Variants in USP16 observed in about 807,000 individuals in gnomAD.
The protein encoded by USP16 is ubiquitin specific peptidase 16.
In USP16, 77 loss-of-function variants were observed where a neutral mutation model predicts 95.9. That is an observed-to-expected ratio of 0.80 (90% CI 0.67 to 0.97). USP16 has a LOEUF of 0.97. USP16 is among the 50% of genes least tolerant of loss of function. The pLI is 0.00. For synonymous variants in USP16, 303 were observed against 318.2 expected (o/e 0.95, Z 0.51); for missense variants, 943 against 959.9 (o/e 0.98, Z 0.23).
At chr21:29,025,862 A>G (rs2146353128) in intron 1 of USP16, 1 of 352,292 alleles carries the variant, frequency 2.8e-6, no homozygotes, top group East Asian at 1.7e-4. Flanking sequence ...AGGCAGTTCC[A>G]AAACTGTGCT....
In USP16 at chr21:29,046,937, G is replaced by A; in HGVS notation, c.1627G>A (p.Asp543Asn). 1 of 1,614,086 alleles carries A rather than the reference G, an allele frequency of 6.2e-7. No homozygotes were observed. Among genetic ancestry groups the A allele is most frequent in the Non-Finnish European group, 8.5e-7 (1 of 1,180,016 alleles). The change falls in exon 14 of 18, where the codon GAT (aspartate) becomes AAT (asparagine). Residue 543 changes from aspartate to asparagine, a missense_variant. By Grantham distance (23) the Asp-to-Asn change is conservative. Coordinates refer to ENST00000399976, the MANE Select transcript of USP16 (RefSeq NM_006447.3). The part of the protein sequence containing the change: ...EEVDMKNINM[D>N]NDLEVLTSSP... ...AGTAGATATGAAAAATATCAACATG[G>A]ATAATGATCTGGAGGTTTTAACATC...
At chr21:29,053,675 T>C (rs1361189109) in intron 16 of USP16, 127 bp from the exon 17 acceptor site, 2 of 907,240 alleles carry the variant, frequency 2.2e-6, no homozygotes, top group Non-Finnish European at 3.3e-6. Context: ...AAGAGTAGAC[T>C]CATGAATGAT....
chr21:29,050,294 G>A (rs2085395211), intron 16 of USP16, 116 bp downstream of exon 16: 2 of 779,230 alleles, frequency 2.6e-6, no homozygotes, highest in Non-Finnish European at 4.0e-6. Context: ...GAGTAGAGTG[G>A]GTCTTTGATC....
intron 12 of USP16, chr21:29,042,745 A>C (rs548681515): frequency 2.2e-6 from 1 of 452,100 alleles, no homozygotes; most frequent in Non-Finnish European, 3.8e-6. Flanking sequence ...AGAATTCTGT[A>C]CAAGTAATTA....
intron 6 of USP16, 83 bp downstream of exon 6, chr21:29,037,546 C>T: frequency 2.8e-6 from 3 of 1,061,260 alleles, no homozygotes; most frequent in Non-Finnish European, 2.5e-6. Flanking sequence ...TTTTTTCCAC[C>T]TGAGTAATTT....
At chr21:29,038,244 T>A in intron 6 of USP16, 91 bp from the exon 7 acceptor site, 3 of 814,842 alleles carry the variant, frequency 3.7e-6, no homozygotes, top group Non-Finnish European at 5.9e-6. Context: ...TGGTCATGAT[T>A]TTCTGTTTTG....
At chr21:29,042,720 A>T (rs1290448914) in intron 12 of USP16, 192 bp downstream of exon 12, 1 of 508,932 alleles carries the variant, frequency 2.0e-6, no homozygotes, top group African/African-American at 2.0e-5. Flanking sequence ...GGATGGAAAA[A>T]AAGATGATGT....
At chr21:29,033,319 G>C (rs1253093269) in intron 3 of USP16, among the ~76,000 whole-genome samples, 1 of 152,192 alleles carries the variant, frequency 6.6e-6, no homozygotes, top group African/African-American at 2.4e-5. Flanking sequence ...AGTATCAAAT[G>C]TTAATTCATT....
At chr21:29,042,171 A>G (rs2085254581) in intron 11 of USP16, 67 bp downstream of exon 11, 3 of 1,390,436 alleles carry the variant, frequency 2.2e-6, no homozygotes, top group Non-Finnish European at 3.0e-6. Context: ...TGTTTATTTC[A>G]AAAGCAGAAA....
intron 7 of USP16, among the ~76,000 whole-genome samples, chr21:29,038,682 C>T (rs1171975948): frequency 1.3e-5 from 2 of 152,140 alleles, no homozygotes; most frequent in African/African-American, 4.8e-5. Flanking sequence ...TTTGAGAAGC[C>T]TTAGGCTTAC....
chr21:29,046,863 A>T lies in USP16; in HGVS notation c.1553A>T (p.Gln518Leu). 6.2e-7 allele frequency: 1 copy of T among 1,614,198 alleles called. No individual in the cohort carries two copies. Among genetic ancestry groups the T allele is most frequent in the Non-Finnish European group, 8.5e-7 (1 of 1,180,024 alleles). ...GTCAACCAGAAAGATTTGAATGGCC[A>T]AGCAAAAATGATCGAAAGTGTAACT... ...YCVNQKDLNGQAKMIESVTDN... is the reference protein window; with the variant it reads ...YCVNQKDLNGLAKMIESVTDN... The change falls in exon 14 of 18, where the codon CAA (glutamine) becomes CTA (leucine). Residue 518 changes from glutamine to leucine, a missense_variant. Coordinates refer to ENST00000399976, the MANE Select transcript of USP16 (RefSeq NM_006447.3).
At chr21:29,028,052 T>C (rs1457799524) in intron 2 of USP16, 78 bp downstream of exon 2, 3 of 1,064,950 alleles carry the variant, frequency 2.8e-6, no homozygotes, top group Non-Finnish European at 4.2e-6. Flanking sequence ...GGTATAAAGC[T>C]GCATATTATT....
At chr21:29,037,942 C>A (rs551676567) in intron 6 of USP16, among the ~76,000 whole-genome samples, 3 of 152,186 alleles carry the variant, frequency 2.0e-5, no homozygotes, top group African/African-American at 7.2e-5. Flanking sequence ...GGTGAGCACT[C>A]GGGTGCAGTG....
At chr21:29,027,652 G>A (rs2085012532) in intron 1 of USP16, among the ~76,000 whole-genome samples, 1 of 152,140 alleles carries the variant, frequency 6.6e-6, no homozygotes, top group South Asian at 2.1e-4. Context: ...AACCTCTTAA[G>A]CTTGCTAAGA....
At position 29,046,730 on chromosome 21, in the gene USP16, G is replaced by T; in HGVS notation, c.1420G>T (p.Asp474Tyr). ...VLHLNDICTI[D>Y]HPEDSEYEAE... ...TCATTTAAATGATATTTGTACTATTGACCATCCTGAAGACAGTGAATATGA... is the reference window on the plus strand; with the variant it reads ...TCATTTAAATGATATTTGTACTATTTACCATCCTGAAGACAGTGAATATGA... The change falls in exon 14 of 18, where the codon GAC becomes TAC. Residue 474 changes from aspartate to tyrosine, a missense_variant. Transcript: ENST00000399976. 6.2e-7 allele frequency: 1 copy of T among 1,613,726 alleles called. No homozygotes were observed. Among genetic ancestry groups the T allele is most frequent in the South Asian group, 1.1e-5 (1 of 90,992 alleles).
Position 29,046,936 on chromosome 21 carries a change from G to A in USP16, c.1626G>A (p.Met542Ile), listed in dbSNP as rs1441669223. Residue 542 changes from methionine to isoleucine, a missense_variant, in exon 14 of 18, where the codon ATG becomes ATA. Coordinates refer to ENST00000399976, the MANE Select transcript of USP16 (RefSeq NM_006447.3). The stretch of plus-strand genomic sequence containing the variant: ...AAGTAGATATGAAAAATATCAACAT[G>A]GATAATGATCTGGAGGTTTTAACAT... ...TEEVDMKNIN[M>I]DNDLEVLTSS... The A allele has an allele frequency of 2.7e-5, 43 of 1,613,938 alleles. No homozygotes were observed. The highest frequency in any genetic ancestry group is 3.6e-5 in the Non-Finnish European group (43 of 1,180,026).
At position 29,034,938 on chromosome 21, in the gene USP16, A is replaced by G. The variant is rs1205450217; in HGVS notation, c.342A>G (p.Val114=). The G allele has an allele frequency of 6.2e-7, 1 of 1,613,028 alleles. No homozygotes were observed. The highest frequency in any genetic ancestry group is 1.7e-5 in the Admixed American group (1 of 59,962). Residue 114 remains valine (V), a splice_region_variant and synonymous_variant, in exon 4 of 18, where the codon GTA becomes GTG. Coordinates refer to ENST00000399976, the MANE Select transcript of USP16 (RefSeq NM_006447.3). ...CLVLSLDNWS[V]WCYVCDNEVQ... ...TTCTTAGTTTGGACAACTGGAGTGT[A>G]TGGTGAGTTTCAGTTCCTCTGCCTC... is the stretch of plus-strand genomic sequence containing the variant.
In USP16 at chr21:29,043,814, C is replaced by T. The variant is rs1300961934; in HGVS notation, c.1356+215C>T. 2.0e-5 allele frequency among the ~76,000 whole-genome samples: 3 copies of T among 152,072 alleles called. No individual in the cohort carries two copies. In the East Asian group the frequency reaches 5.8e-4, roughly 29 times the overall value. ...CGTGCTTCTTTTTTTTTAAATCCTG[C>T]ATTGCTTGTAACAAGTATTTGTAGT... On this transcript the variant is annotated intron_variant, in intron 13 of 17. Coordinates refer to ENST00000399976, the MANE Select transcript of USP16 (RefSeq NM_006447.3).
rs369617141 is a variant in USP16, at chr21:29,046,820, A to G, written c.1510A>G (p.Met504Val). 2.2e-5 allele frequency: 35 copies of G among 1,614,068 alleles called. No individual in the cohort carries two copies. In the Admixed American group the frequency reaches 2.3e-4, roughly 11 times the overall value. The change falls in exon 14 of 18, where the codon ATG becomes GTG. Residue 504 changes from methionine (M) to valine (V), a missense_variant. Coordinates refer to ENST00000399976, the MANE Select transcript of USP16 (RefSeq NM_006447.3). ...CAACCATATTTCACAAGAGGGTGTT[A>G]TGCATAAAGAATATTGTGTCAACCA... Reference protein sequence around the residue: ...KSNHISQEGVMHKEYCVNQKD... With the variant: ...KSNHISQEGVVHKEYCVNQKD...
Sources: gnomAD v4.1 joint callset for allele counts (sites outside exome capture counted in the v4.1 genomes callset) on GRCh38, gnomAD v4.1.1 for gene constraint, MANE v1.5 for transcripts, NCBI Gene and HGNC (gene_info 2026-07-23, HGNC 2026-07-21) for gene names.